The following GALNT17 variants were observed in gnomAD, a reference collection of about 807,000 sequenced individuals.
The protein encoded by GALNT17 is UDP-GalNAc:polypeptide N-acetylgalactosaminyltransferase-like 3.
In GALNT17, 29 loss-of-function variants were observed where a neutral mutation model predicts 63.7. The ratio of observed to expected loss-of-function variants is 0.46; its 90% CI spans 0.34 to 0.62. The LOEUF (loss-of-function observed/expected upper bound fraction) is 0.62, where lower values mean the gene tolerates loss of function less well. GALNT17 is among the 20% of genes least tolerant of loss of function. The probability of loss-of-function intolerance (pLI) is 0.01; values close to 1 mark genes in which losing one functional copy is unlikely to be tolerated. For missense variants in GALNT17, 603 were observed against 799.6 expected (o/e 0.75, Z 2.97); for synonymous variants, 305 against 318.3 (o/e 0.96, Z 0.45).
At chr7:71,214,935 C>T (rs1482791115) in intron 1 of GALNT17, among the ~76,000 whole-genome samples, 1 of 152,192 alleles carries the variant, frequency 6.6e-6, no homozygotes, top group Admixed American at 6.5e-5. Flanking sequence ...TTGTTGCATA[C>T]ATCATTTGCT....
At chr7:71,616,824 CATATT>C (rs920177792) in intron 6 of GALNT17, among the ~76,000 whole-genome samples, 6 of 62,070 alleles carry the variant, frequency 9.7e-5, no homozygotes, top group Non-Finnish European at 1.3e-4. Context: ...ATTATATAAT[CATATT>C]ATATATTATA....
At chr7:71,626,918 A>G (rs1056834317) in intron 6 of GALNT17, among the ~76,000 whole-genome samples, 2 of 152,184 alleles carry the variant, frequency 1.3e-5, no homozygotes, top group Non-Finnish European at 2.9e-5. Context: ...TGGGGTCTCA[A>G]TGGCCAGGAC....
intron 5 of GALNT17, among the ~76,000 whole-genome samples, chr7:71,452,932 T>C (rs1787290187): frequency 6.6e-6 from 1 of 152,218 alleles, no homozygotes; most frequent in African/African-American, 2.4e-5. Context: ...TGCCTTAACA[T>C]GATTGGTGAT....
intron 1 of GALNT17, among the ~76,000 whole-genome samples, chr7:71,188,306 C>T (rs1202664): frequency 0.28 from 42,461 of 152,118 alleles, 9,885 homozygotes; most frequent in African/African-American, 0.64. Context: ...ATCTCCACAC[C>T]GTTTTCCATG....
intron 5 of GALNT17, among the ~76,000 whole-genome samples, chr7:71,488,495 A>G (rs1315275115): frequency 6.6e-6 from 1 of 151,798 alleles, no homozygotes; most frequent in African/African-American, 2.4e-5. Flanking sequence ...GAATGGCATC[A>G]GGATTGTCTG....
In GALNT17 at chr7:71,712,172, C is replaced by A; in HGVS notation, c.*26C>A. 6.2e-7 allele frequency: 1 copy of A among 1,605,914 alleles called. No homozygotes were observed. The highest frequency in any genetic ancestry group is 1.1e-5 in the South Asian group (1 of 90,216). ...AGGGAGGGAGCTGGGGCACTGGAGC[C>A]TGGCCCCCAGGACATGGCTGCTCCC... On this transcript the variant is annotated 3_prime_UTR_variant, in exon 11 of 11. Coordinates refer to ENST00000333538, the MANE Select transcript of GALNT17 (RefSeq NM_022479.3).
At chr7:71,692,370 A>T (rs191488144) in intron 9 of GALNT17, among the ~76,000 whole-genome samples, 8 of 152,304 alleles carry the variant, frequency 5.3e-5, no homozygotes. Flanking sequence ...AAATATATTG[A>T]TTTGTTAGGC....
chr7:71,559,966 C>T (rs1250893182), intron 5 of GALNT17, among the ~76,000 whole-genome samples: 11 of 151,164 alleles, frequency 7.3e-5, no homozygotes, highest in African/African-American at 1.2e-4. Context: ...GAGGCTGCAG[C>T]GGGCAAATCG....
intron 3 of GALNT17, among the ~76,000 whole-genome samples, chr7:71,394,052 A>G (rs1037364598): frequency 2.0e-5 from 3 of 152,100 alleles, no homozygotes; most frequent in Non-Finnish European, 2.9e-5. Context: ...TTGTCTTTCT[A>G]CAAAGAATAC....
At chr7:71,436,457 C>T (rs185551169) in intron 5 of GALNT17, among the ~76,000 whole-genome samples, 11 of 152,256 alleles carry the variant, frequency 7.2e-5, no homozygotes, top group Non-Finnish European at 7.3e-5. Flanking sequence ...CGGTGACTCA[C>T]GCCTGTAATC....
chr7:71,684,168 C>T (rs973463649), intron 9 of GALNT17, among the ~76,000 whole-genome samples: 4 of 152,106 alleles, frequency 2.6e-5, no homozygotes, highest in African/African-American at 7.2e-5. Context: ...AGGGTGGGTC[C>T]CCAAGCTAGA....
At chr7:71,695,908 G>T (rs1791533962) in intron 9 of GALNT17, among the ~76,000 whole-genome samples, 1 of 152,072 alleles carries the variant, frequency 6.6e-6, no homozygotes, top group Non-Finnish European at 1.5e-5. Flanking sequence ...CTCTTTCTTT[G>T]CTTGGCCCAG....
At chr7:71,280,847 C>T (rs1288665036) in intron 1 of GALNT17, among the ~76,000 whole-genome samples, 1 of 152,158 alleles carries the variant, frequency 6.6e-6, no homozygotes, top group African/African-American at 2.4e-5. Context: ...CAGTTGGTGA[C>T]TGGGCTGGTC....
chr7:71,208,996 G>C (rs1789326201), intron 1 of GALNT17, among the ~76,000 whole-genome samples: 1 of 152,148 alleles, frequency 6.6e-6, no homozygotes, highest in African/African-American at 2.4e-5. Context: ...TTTCAGCTCT[G>C]TGGGCCATAT....
intron 5 of GALNT17, among the ~76,000 whole-genome samples, chr7:71,503,878 G>A (rs557878839): frequency 1.4e-4 from 22 of 152,130 alleles, no homozygotes; most frequent in African/African-American, 4.6e-4. Context: ...GGCAGATCAC[G>A]AGGTCAGGAG....
intron 7 of GALNT17, among the ~76,000 whole-genome samples, chr7:71,669,595 A>G (rs961565815): frequency 1.1e-4 from 15 of 137,028 alleles, no homozygotes; most frequent in East Asian, 6.6e-4. Flanking sequence ...AAAGTCTCGC[A>G]CTGTCACCTG....
chr7:71,649,548 C>T (rs1215408194), intron 6 of GALNT17, among the ~76,000 whole-genome samples: 1 of 148,000 alleles, frequency 6.8e-6, no homozygotes, highest in Non-Finnish European at 1.5e-5. Context: ...GTATGCCTGT[C>T]CTGAGTCAGT....
At chr7:71,699,380 G>A (rs1231794994) in intron 9 of GALNT17, among the ~76,000 whole-genome samples, 1 of 151,452 alleles carries the variant, frequency 6.6e-6, no homozygotes, top group South Asian at 2.1e-4. Context: ...GGAGTCTGAG[G>A]CAGGAGAATC....
At chr7:71,542,037 G>A (rs1411861289) in intron 5 of GALNT17, among the ~76,000 whole-genome samples, 1 of 152,142 alleles carries the variant, frequency 6.6e-6, no homozygotes, top group Non-Finnish European at 1.5e-5. Context: ...GTTAAATGCA[G>A]GCGATGATAC....
Sources: allele counts gnomAD v4.1 joint callset (sites outside exome capture counted in the v4.1 genomes callset), GRCh38; gene constraint gnomAD v4.1.1; transcripts MANE v1.5; gene names NCBI Gene and HGNC (gene_info 2026-07-23, HGNC 2026-07-21).